The following GOLPH3 variants were observed in gnomAD, a reference collection of about 807,000 sequenced individuals.
GOLPH3 encodes the protein coat protein GPP34.
A neutral mutation model predicts 28.5 loss-of-function variants in GOLPH3; 14 were observed. The observed-to-expected ratio is 0.49, with a 90% CI of 0.32 to 0.77. The LOEUF (loss-of-function observed/expected upper bound fraction) is 0.77, where lower values mean the gene tolerates loss of function less well. GOLPH3 is among the 30% of genes least tolerant of loss of function. The probability of loss-of-function intolerance (pLI) is 0.03; values close to 1 mark genes in which losing one functional copy is unlikely to be tolerated. For synonymous variants in GOLPH3, 158 were observed against 159.2 expected, an observed-to-expected ratio of 0.99 and a Z score of 0.06; for missense variants, 350 against 393.7, an observed-to-expected ratio of 0.89 and a Z score of 0.94.
intron 1 of GOLPH3, among the ~76,000 whole-genome samples, chr5:32,157,504 T>TA (rs1452278823): frequency 6.6e-6 from 1 of 152,356 alleles, no homozygotes; most frequent in East Asian, 1.9e-4. Flanking sequence ...ACTACACCCT[T>TA]ACTAGTTTCC....
At chr5:32,148,778 G>C (rs1746235994) in intron 1 of GOLPH3, among the ~76,000 whole-genome samples, 1 of 152,044 alleles carries the variant, frequency 6.6e-6, no homozygotes, top group Non-Finnish European at 1.5e-5. Flanking sequence ...GCCTGGGCAA[G>C]AGAGCAAGAC....
chr5:32,130,620 G>C (rs1294268735), intron 3 of GOLPH3, among the ~76,000 whole-genome samples: 1 of 151,884 alleles, frequency 6.6e-6, no homozygotes, highest in Non-Finnish European at 1.5e-5. Flanking sequence ...AAACAACAGA[G>C]GGGAAAAAAA....
chr5:32,145,200 T>C (rs536686379), intron 1 of GOLPH3, among the ~76,000 whole-genome samples: 1 of 152,342 alleles, frequency 6.6e-6, no homozygotes, highest in Admixed American at 6.5e-5. Flanking sequence ...CTACCACTTC[T>C]GAGAATGTGA....
At chr5:32,172,134 A>T (rs1746850091) in intron 1 of GOLPH3, among the ~76,000 whole-genome samples, 1 of 152,198 alleles carries the variant, frequency 6.6e-6, no homozygotes, top group Non-Finnish European at 1.5e-5. Flanking sequence ...AAACAGGTAC[A>T]GCAGCCCTTT....
At chr5:32,134,219 T>C (rs1211668625) in intron 3 of GOLPH3, among the ~76,000 whole-genome samples, 2 of 151,938 alleles carry the variant, frequency 1.3e-5, no homozygotes, top group Non-Finnish European at 2.9e-5. Flanking sequence ...AAAATTTTTT[T>C]TCTTGAGACG....
At chr5:32,135,313 G>A (rs1581538737) in intron 3 of GOLPH3, among the ~76,000 whole-genome samples, 1 of 152,176 alleles carries the variant, frequency 6.6e-6, no homozygotes, top group Admixed American at 6.5e-5. Context: ...TCCAGATTAA[G>A]GTAGCATGTG....
intron 1 of GOLPH3, among the ~76,000 whole-genome samples, chr5:32,169,854 G>A (rs1321662845): frequency 6.6e-6 from 1 of 151,616 alleles, no homozygotes; most frequent in Non-Finnish European, 1.5e-5. Context: ...CTGATTCTCT[G>A]CCCAAGTGAG....
intron 2 of GOLPH3, among the ~76,000 whole-genome samples, chr5:32,140,756 A>G (rs1279925509): frequency 6.6e-6 from 1 of 151,258 alleles, no homozygotes; most frequent in Non-Finnish European, 1.5e-5. Context: ...AACCAAGATC[A>G]TACCAACCAC....
At position 32,158,132 on chromosome 5, in the gene GOLPH3, TACACACACACAC is replaced by T. The variant is rs70961610; in HGVS notation, c.226-14264_226-14253del. 1.7e-3 allele frequency among the ~76,000 whole-genome samples: 57 copies of T among 33,680 alleles called. 1 individual carries two copies. Among genetic ancestry groups the T allele is most frequent in the East Asian group, 2.2e-3 (3 of 1,364 alleles). The allele number at this position is 33,680 out of a possible 152,430, so 22.1% of individuals were successfully genotyped here. A position where few individuals can be genotyped will look rare whatever the true frequency, so the allele number is the denominator to read the frequency against. The stretch of plus-strand genomic sequence containing the variant: ...TAAATAAATAAATAAATAAATAAAA[TACACACACACAC>T]ACACACACACACACACACACACACA... On this transcript the variant is annotated intron_variant, in intron 1 of 3. Coordinates refer to ENST00000265070, the MANE Select transcript of GOLPH3 (RefSeq NM_022130.4).
At chr5:32,127,479 G>C (rs567299255) in intron 3 of GOLPH3, among the ~76,000 whole-genome samples, 27 of 152,138 alleles carry the variant, frequency 1.8e-4, no homozygotes, top group Admixed American at 3.3e-4. Context: ...CTAATACTGA[G>C]AGAAAACCTT....
intron 1 of GOLPH3, among the ~76,000 whole-genome samples, chr5:32,159,575 T>C (rs1746530804): frequency 6.6e-6 from 1 of 152,162 alleles, no homozygotes; most frequent in South Asian, 2.1e-4. Flanking sequence ...CTCAAGCAAA[T>C]GAATTTTTAA....
intron 2 of GOLPH3, among the ~76,000 whole-genome samples, chr5:32,138,050 C>T (rs1305047763): frequency 6.6e-6 from 1 of 151,900 alleles, no homozygotes; most frequent in East Asian, 1.9e-4. Flanking sequence ...ATTACAGGTG[C>T]ACACCACCGC....
At chr5:32,130,742 T>G (rs1745810235) in intron 3 of GOLPH3, among the ~76,000 whole-genome samples, 1 of 152,238 alleles carries the variant, frequency 6.6e-6, no homozygotes, top group South Asian at 2.1e-4. Flanking sequence ...CCTCTAATGC[T>G]GTTCTACAAT....
intron 1 of GOLPH3, among the ~76,000 whole-genome samples, chr5:32,169,363 A>T (rs1746782638): frequency 6.6e-6 from 1 of 152,184 alleles, no homozygotes; most frequent in Non-Finnish European, 1.5e-5. Context: ...ATAAACATCC[A>T]CAGCAGTACA....
At chr5:32,143,474 T>A (rs1184651658) in intron 2 of GOLPH3, among the ~76,000 whole-genome samples, 2 of 151,544 alleles carry the variant, frequency 1.3e-5, no homozygotes, top group African/African-American at 4.8e-5. Context: ...AAAATAAAAT[T>A]AAAAATAAAT....
At chr5:32,157,769 C>A (rs1746462685) in intron 1 of GOLPH3, among the ~76,000 whole-genome samples, 1 of 151,960 alleles carries the variant, frequency 6.6e-6, no homozygotes, top group Non-Finnish European at 1.5e-5. Context: ...TTAAGGTCAG[C>A]AGATTTGAGA....
chr5:32,154,824 C>T (rs976751365), intron 1 of GOLPH3, among the ~76,000 whole-genome samples: 1 of 152,164 alleles, frequency 6.6e-6, no homozygotes, highest in African/African-American at 2.4e-5. Flanking sequence ...GTGGCTCACA[C>T]CTGTAATCCC....
chr5:32,173,649 G>A (rs911107318), intron 1 of GOLPH3, 161 bp downstream of exon 1: 25 of 436,058 alleles, frequency 5.7e-5, no homozygotes, highest in Non-Finnish European at 7.6e-6. Flanking sequence ...AACCAACTCC[G>A]ACACCGCTCG....
intron 2 of GOLPH3, among the ~76,000 whole-genome samples, chr5:32,136,643 C>T (rs1308960314): frequency 6.6e-6 from 1 of 152,174 alleles, no homozygotes; most frequent in East Asian, 1.9e-4. Flanking sequence ...TTTAAGAATT[C>T]AGTACAGGCT....
Sources: gnomAD v4.1 joint callset for allele counts (sites outside exome capture counted in the v4.1 genomes callset) on GRCh38, gnomAD v4.1.1 for gene constraint, MANE v1.5 for transcripts, NCBI Gene and HGNC (gene_info 2026-07-23, HGNC 2026-07-21) for gene names.